Variants in CERS3 observed in about 807,000 individuals in gnomAD.
The protein encoded by CERS3 is LAG1 homolog, ceramide synthase 3.
CERS3 carries 33 observed loss-of-function variants against 50.3 expected under a neutral mutation model. The ratio of observed to expected loss-of-function variants is 0.66; its 90% CI spans 0.50 to 0.88. CERS3 has a LOEUF of 0.88. Ranked by LOEUF, CERS3 falls within the 40% of genes least tolerant of loss-of-function variation. The probability of loss-of-function intolerance (pLI) is 0.00; values close to 1 mark genes in which losing one functional copy is unlikely to be tolerated. For missense variants in CERS3, 470 were observed against 460.3 expected (o/e 1.02, Z -0.19); for synonymous variants, 176 against 155.2 (o/e 1.13, Z -0.99).
At chr15:100,475,577 AGT>A in intron 8 of CERS3, among the ~76,000 whole-genome samples, 1 of 152,218 alleles carries the variant, frequency 6.6e-6, no homozygotes, top group East Asian at 1.9e-4. Context: ...TGACTTCAGA[AGT>A]GGCATTTAGC....
intron 1 of CERS3, among the ~76,000 whole-genome samples, chr15:100,539,381 C>G (rs1379486921): frequency 6.6e-6 from 1 of 152,182 alleles, no homozygotes; most frequent in Admixed American, 6.5e-5. Context: ...CATTTTCATA[C>G]TGTTATAAAG....
intron 11 of CERS3, among the ~76,000 whole-genome samples, chr15:100,406,181 C>G (rs2031010568): frequency 6.6e-6 from 1 of 152,196 alleles, no homozygotes; most frequent in Non-Finnish European, 1.5e-5. Flanking sequence ...TAAGATAACT[C>G]AAGCTCTGTG....
At chr15:100,440,146 G>A (rs532166951) in intron 11 of CERS3, among the ~76,000 whole-genome samples, 6 of 152,204 alleles carry the variant, frequency 3.9e-5, no homozygotes, top group Admixed American at 1.3e-4. Context: ...CTCAGTCCAG[G>A]GCCTTTCCTT....
chr15:100,425,123 T>G (rs1469301001), intron 11 of CERS3, among the ~76,000 whole-genome samples: 2 of 152,202 alleles, frequency 1.3e-5, no homozygotes, highest in Middle Eastern at 3.2e-3. Context: ...GGCAGAAATC[T>G]GCCGAAGGGG....
intron 1 of CERS3, among the ~76,000 whole-genome samples, chr15:100,539,130 T>C (rs535739361): frequency 6.6e-6 from 1 of 152,328 alleles, no homozygotes; most frequent in South Asian, 2.1e-4. Context: ...AAGAAGTTCC[T>C]TATCTCCATC....
chr15:100,524,322 C>T (rs956212), intron 1 of CERS3, among the ~76,000 whole-genome samples: 34,682 of 151,902 alleles, frequency 0.23, 4,263 homozygotes, highest in East Asian at 0.42. Context: ...TGGTTAAAAA[C>T]GTTTGAAAAT....
At chr15:100,495,044 C>G (rs1022202841) in intron 3 of CERS3, among the ~76,000 whole-genome samples, 22 of 152,382 alleles carry the variant, frequency 1.4e-4, no homozygotes, top group Admixed American at 1.4e-3. Flanking sequence ...CAAACACCCT[C>G]AGGGAAAAGG....
chr15:100,455,108 T>C (rs2142195016), intron 11 of CERS3, among the ~76,000 whole-genome samples: 1 of 152,220 alleles, frequency 6.6e-6, no homozygotes, highest in South Asian at 2.1e-4. Context: ...GGTGAGAATG[T>C]AAAGAAGAGG....
chr15:100,495,292 C>A (rs1484054939), intron 3 of CERS3, among the ~76,000 whole-genome samples: 3 of 152,184 alleles, frequency 2.0e-5, no homozygotes, highest in Non-Finnish European at 4.4e-5. Context: ...GGGAACAGGG[C>A]AAGTTAAAAA....
intron 2 of CERS3, among the ~76,000 whole-genome samples, chr15:100,517,709 C>G (rs2142375907): frequency 6.6e-6 from 1 of 152,196 alleles, no homozygotes; most frequent in South Asian, 2.1e-4. Flanking sequence ...GCAGGGTTTC[C>G]TGTTGTACAG....
At chr15:100,497,896 C>CACCT (rs1306094824) in intron 3 of CERS3, among the ~76,000 whole-genome samples, 1 of 63,602 alleles carries the variant, frequency 1.6e-5, no homozygotes, top group African/African-American at 5.3e-5. Context: ...CACACACACA[C>CACCT]TTTTTTTTTT....
chr15:100,509,591 G>T (rs1015046388), intron 2 of CERS3, among the ~76,000 whole-genome samples: 1 of 152,178 alleles, frequency 6.6e-6, no homozygotes, highest in Admixed American at 6.5e-5. Flanking sequence ...GCAAGGATGC[G>T]CTTGAGTTCA....
intron 1 of CERS3, among the ~76,000 whole-genome samples, chr15:100,538,388 T>C (rs530350616): frequency 6.6e-6 from 1 of 152,224 alleles, no homozygotes; most frequent in Non-Finnish European, 1.5e-5. Context: ...AGGTACTCCA[T>C]GAGGGCTCTA....
At chr15:100,434,048 A>T (rs1966765) in intron 11 of CERS3, among the ~76,000 whole-genome samples, 127,980 of 152,298 alleles carry the variant, frequency 0.84, 54,127 homozygotes, top group Middle Eastern at 0.9. Context: ...GTGGAGAGCT[A>T]TGAGGAGTGG....
intron 10 of CERS3, among the ~76,000 whole-genome samples, chr15:100,462,888 A>C (rs2034597199): frequency 6.6e-6 from 1 of 152,240 alleles, no homozygotes; most frequent in African/African-American, 2.4e-5. Context: ...AAATTGGAAC[A>C]TGGAAGGTAG....
chr15:100,498,106 G>T (rs1273088713), intron 3 of CERS3, among the ~76,000 whole-genome samples: 2 of 152,042 alleles, frequency 1.3e-5, no homozygotes, highest in Non-Finnish European at 2.9e-5. Context: ...ATGTTGGCCA[G>T]GATGGTCTCG....
rs1484559339 is a variant in CERS3 at position 100,467,841 on chromosome 15, A to G, written c.845+1537T>C. Among the ~76,000 whole-genome samples, 16 of 67,698 alleles carry G rather than the reference A, an allele frequency of 2.4e-4. No homozygotes were observed. In the East Asian group the frequency reaches 5.8e-3, roughly 24 times the overall value. The allele number at this position is 67,698 out of a possible 152,430, so 44.4% of individuals were successfully genotyped here. ...TATATGTGTATATATATACGTGTAT[A>G]TATATATATATAGATAGATAGATAG... On this transcript the variant is annotated intron_variant, in intron 10 of 11. Transcript: ENST00000679737.
intron 11 of CERS3, among the ~76,000 whole-genome samples, chr15:100,426,422 C>T (rs377718097): frequency 6.8e-4 from 103 of 152,140 alleles, no homozygotes; most frequent in African/African-American, 2.2e-3. Flanking sequence ...CTCTAATGCC[C>T]GTAACTATAT....
intron 11 of CERS3, among the ~76,000 whole-genome samples, chr15:100,445,909 G>A (rs2033915046): frequency 6.6e-6 from 1 of 152,198 alleles, no homozygotes. Context: ...CACAAAAGAA[G>A]TGAAAATGGC....
Sources: allele counts gnomAD v4.1 joint callset (sites outside exome capture counted in the v4.1 genomes callset), GRCh38; gene constraint gnomAD v4.1.1; transcripts MANE v1.5; gene names NCBI Gene and HGNC (gene_info 2026-07-23, HGNC 2026-07-21).